Variants in WDR20 observed in about 807,000 individuals in gnomAD.
WDR20 encodes WD repeat domain 20.
In WDR20, 3 loss-of-function variants were observed where a neutral mutation model predicts 38.7. The ratio of observed to expected loss-of-function variants is 0.08; its 90% CI spans 0.04 to 0.20. WDR20 has a LOEUF of 0.20. Ranked by LOEUF, WDR20 falls within the 10% of genes least tolerant of loss-of-function variation. The probability of loss-of-function intolerance (pLI) is 1.00; values close to 1 mark genes in which losing one functional copy is unlikely to be tolerated. For synonymous variants in WDR20, 298 were observed against 285.6 expected (o/e 1.04, Z -0.44); for missense variants, 559 against 727.7 (o/e 0.77, Z 2.67).
intron 2 of WDR20, among the ~76,000 whole-genome samples, chr14:102,203,138 T>C (rs2060820726): frequency 6.6e-6 from 1 of 152,212 alleles, no homozygotes; most frequent in South Asian, 2.1e-4. Context: ...GATTTCATGT[T>C]ATTCTGCCAC....
intron 1 of WDR20, among the ~76,000 whole-genome samples, chr14:102,165,629 T>C (rs1358529978): frequency 6.6e-6 from 1 of 150,454 alleles, no homozygotes; most frequent in Admixed American, 6.6e-5. Context: ...TCTTTTTCTT[T>C]TCTTTTCTTT....
At chr14:102,153,307 C>CTTTTT (rs57513596) in intron 1 of WDR20, among the ~76,000 whole-genome samples, 2 of 128,202 alleles carry the variant, frequency 1.6e-5, no homozygotes, top group Non-Finnish European at 1.6e-5. Context: ...AAACCTCTTT[C>CTTTTT]TTTTTTTTTT....
downstream of WDR20, chr14:102,212,752 C>T: frequency 7.3e-7 from 1 of 1,362,470 alleles, no homozygotes; most frequent in Non-Finnish European, 9.5e-7. Context: ...GTGCTGCTAA[C>T]CCTAGGAGAA....
chr14:102,176,611 T>A (rs770112202), intron 1 of WDR20, among the ~76,000 whole-genome samples: 2 of 151,520 alleles, frequency 1.3e-5, no homozygotes, highest in African/African-American at 4.8e-5. Flanking sequence ...TAGTTTTCTT[T>A]CCCTTTTTTT....
intron 1 of WDR20, among the ~76,000 whole-genome samples, chr14:102,154,480 C>T (rs1303086140): frequency 1.3e-5 from 2 of 152,154 alleles, no homozygotes; most frequent in African/African-American, 2.4e-5. Context: ...AAGCCCCTAC[C>T]TCCTGATATT....
chr14:102,163,004 G>A (rs191881480), intron 1 of WDR20, among the ~76,000 whole-genome samples: 1 of 152,230 alleles, frequency 6.6e-6, no homozygotes, highest in East Asian at 1.9e-4. Context: ...CTTTTGCATT[G>A]ATTGAGAGGC....
In WDR20 at chr14:102,140,136, G is replaced by T. The variant is rs1211302431; in HGVS notation, c.213G>T (p.Arg71=). 3.1e-6 allele frequency: 5 copies of T among 1,613,904 alleles called. No individual in the cohort carries two copies. Among genetic ancestry groups the T allele is most frequent in the Non-Finnish European group, 4.2e-6 (5 of 1,180,036 alleles). The change falls in exon 1 of 3, where the codon CGG becomes CGT. Residue 71 remains arginine, a synonymous_variant. Transcript: ENST00000342702. The part of the protein sequence containing the change: ...NGDRLCFNVG[R]ELYFYIYKGV... ...ACCGCCTCTGCTTCAATGTGGGCCGGGAGCTGTACTTCTATATCTACAAGG... is the reference window on the plus strand; with the variant it reads ...ACCGCCTCTGCTTCAATGTGGGCCGTGAGCTGTACTTCTATATCTACAAGG...
At chr14:102,193,398 A>T in intron 1 of WDR20, 1 of 1,521,484 alleles carries the variant, frequency 6.6e-7, no homozygotes, top group Non-Finnish European at 9.1e-7. Flanking sequence ...TTTGTTTTGT[A>T]TCATGCTTTG....
At chr14:102,219,260 C>T (rs566171343), downstream of WDR20, among the ~76,000 whole-genome samples, 2 of 152,364 alleles carry the variant, frequency 1.3e-5, no homozygotes, top group African/African-American at 2.4e-5. Context: ...CTTTTTCCTC[C>T]TGTTGCCTCC....
At chr14:102,212,645 G>T, downstream of WDR20, 1 of 1,532,982 alleles carries the variant, frequency 6.5e-7, no homozygotes, top group Admixed American at 2.0e-5. Context: ...CCTTCTCCTC[G>T]GCTGTGCTTC....
Position 102,220,544 on chromosome 14 carries a change from C to T in WDR20, c.1693-2286C>T, listed in dbSNP as rs1194222345. On this transcript the variant is annotated intron_variant, in intron 3 of 3. Transcript: ENST00000335263. The surrounding 1 kb of genome is among the most constrained non-coding windows in gnomAD (Gnocchi z 4.2). Reference sequence around the variant, plus strand: ...CTTCAAGACCATCCTAACAGTGAAACCCCATCTCTACTAAAACTACAAAAA... The same window carrying T: ...CTTCAAGACCATCCTAACAGTGAAATCCCATCTCTACTAAAACTACAAAAA... Among the ~76,000 whole-genome samples the T allele has an allele frequency of 6.6e-6, 1 of 151,970 alleles. No homozygotes were observed. Among genetic ancestry groups the T allele is most frequent in the Non-Finnish European group, 1.5e-5 (1 of 67,978 alleles).
At chr14:102,152,160 C>T (rs55970140) in intron 1 of WDR20, among the ~76,000 whole-genome samples, 12,996 of 152,002 alleles carry the variant, frequency 0.085, 961 homozygotes, top group African/African-American at 0.21. Flanking sequence ...ATATCATCCT[C>T]CCATCACAGC....
At chr14:102,148,669 T>TTGTGTGTGTGTGTG (rs10525828) in intron 1 of WDR20, among the ~76,000 whole-genome samples, 96 of 144,938 alleles carry the variant, frequency 6.6e-4, no homozygotes, top group Middle Eastern at 3.6e-3. Context: ...GAGTTTGGCT[T>TTGTGTGTGTGTGTG]TGTGTGTGTG....
At chr14:102,158,648 A>T (rs2057986082) in intron 1 of WDR20, among the ~76,000 whole-genome samples, 1 of 151,908 alleles carries the variant, frequency 6.6e-6, no homozygotes, top group Admixed American at 6.6e-5. Context: ...CTACTTCCCT[A>T]TCCTTATTCT....
downstream of WDR20, chr14:102,213,053 T>C (rs2062758198): frequency 1.0e-6 from 1 of 989,068 alleles, no homozygotes; most frequent in African/African-American, 1.7e-5. Flanking sequence ...CCCTGGGCGG[T>C]GTCAGACACC....
At chr14:102,196,397 A>C (rs2059413125) in intron 2 of WDR20, among the ~76,000 whole-genome samples, 1 of 152,150 alleles carries the variant, frequency 6.6e-6, no homozygotes, top group African/African-American at 2.4e-5. Context: ...AGTGATTTCT[A>C]AGTAGCTGGA....
intron 1 of WDR20, among the ~76,000 whole-genome samples, chr14:102,166,283 A>G (rs548339286): frequency 6.6e-4 from 101 of 152,090 alleles, no homozygotes; most frequent in African/African-American, 2.4e-3. Flanking sequence ...ATTTTTTTTA[A>G]CTGATTAATT....
At chr14:102,160,321 A>T (rs765641723) in intron 1 of WDR20, among the ~76,000 whole-genome samples, 4 of 152,168 alleles carry the variant, frequency 2.6e-5, no homozygotes, top group Non-Finnish European at 5.9e-5. Context: ...TTATATTCAG[A>T]GAGGTCTGTC....
downstream of WDR20, among the ~76,000 whole-genome samples, chr14:102,224,095 G>A (rs967684825): frequency 1.4e-5 from 2 of 144,748 alleles, no homozygotes; most frequent in East Asian, 4.1e-4. Flanking sequence ...AGGCTGGAGT[G>A]CAGTGGCGCA....
Sources: gnomAD v4.1 joint callset for allele counts (sites outside exome capture counted in the v4.1 genomes callset) on GRCh38, gnomAD v4.1.1 for gene constraint, Gnocchi (gnomAD v3.1) non-coding constraint, MANE v1.5 for transcripts, NCBI Gene and HGNC (gene_info 2026-07-23, HGNC 2026-07-21) for gene names.